The following PDE6A variants were observed in gnomAD, a reference collection of about 807,000 sequenced individuals.
PDE6A encodes rod cGMP-specific 3',5'-cyclic phosphodiesterase subunit alpha.
PDE6A carries 84 observed loss-of-function variants against 106.3 expected under a neutral mutation model. The observed-to-expected ratio is 0.79, with a 90% CI of 0.66 to 0.95. The LOEUF (loss-of-function observed/expected upper bound fraction) is 0.95. PDE6A is among the 40% of genes least tolerant of loss of function. The probability of loss-of-function intolerance (pLI) is 0.00; values close to 1 mark genes in which losing one functional copy is unlikely to be tolerated. For synonymous variants in PDE6A, 394 were observed against 386.6 expected (o/e 1.02, Z -0.23); for missense variants, 1,052 against 1,084.9 (o/e 0.97, Z 0.43).
At chr5:149,895,090 G>A (rs917072077) in intron 13 of PDE6A, 93 bp downstream of exon 13, 1 of 803,946 alleles carries the variant, frequency 1.2e-6, no homozygotes, top group African/African-American at 1.7e-5. Context: ...AATAAAGAAA[G>A]AAGAACAACG....
chr5:149,921,426 G>GT (rs1004938906), intron 5 of PDE6A, among the ~76,000 whole-genome samples: 66 of 148,458 alleles, frequency 4.4e-4, no homozygotes, highest in East Asian at 1.8e-3. Context: ...TATTGTTGCT[G>GT]TTTTTTTTTT....
chr5:149,861,387 G>A (rs1266288515), intron 21 of PDE6A, among the ~76,000 whole-genome samples: 2 of 152,238 alleles, frequency 1.3e-5, no homozygotes, highest in African/African-American at 4.8e-5. Flanking sequence ...CAGGGCTCAC[G>A]CCTGTAATCC....
In PDE6A at chr5:149,863,360, T is replaced by A; in HGVS notation, c.2359-94A>T. On this transcript the variant is annotated intron_variant, in intron 20 of 21. Coordinates refer to ENST00000255266, the MANE Select transcript of PDE6A (RefSeq NM_000440.3). The surrounding 1 kb of genome is among the most constrained non-coding windows in gnomAD (Gnocchi z 4.7). Reference sequence around the variant, plus strand: ...CAGCTGGAAACGTCCAACACTGGAATGAGCTGCTTCGGAGTAGCAGGCCTC... The same window carrying A: ...CAGCTGGAAACGTCCAACACTGGAAAGAGCTGCTTCGGAGTAGCAGGCCTC... 5 of 1,318,040 alleles carry A rather than the reference T, an allele frequency of 3.8e-6. No homozygotes were observed. Among genetic ancestry groups the A allele is most frequent in the Non-Finnish European group, 5.4e-6 (5 of 923,766 alleles). The allele number at this position is 1,318,040 out of a possible 1,614,324, so 81.6% of individuals were successfully genotyped here.
At chr5:149,921,848 G>A (rs72830288) in intron 4 of PDE6A, 139 bp from the exon 5 acceptor site, 66,399 of 730,520 alleles carry the variant, frequency 0.091, 3,323 homozygotes, top group African/African-American at 0.15. Flanking sequence ...ACTTGGAAAG[G>A]CAGTAAGACT....
chr5:149,941,541 T>C (rs1479451110), intron 1 of PDE6A, among the ~76,000 whole-genome samples: 1 of 152,222 alleles, frequency 6.6e-6, no homozygotes, highest in African/African-American at 2.4e-5. Context: ...GATCAGTGTT[T>C]ACACTTCCAG....
intron 6 of PDE6A, among the ~76,000 whole-genome samples, chr5:149,914,604 C>T (rs1753493738): frequency 6.6e-6 from 1 of 151,152 alleles, no homozygotes; most frequent in African/African-American, 2.4e-5. Context: ...AAGTCCTGTT[C>T]CAGTCTTTAA....
chr5:149,921,743 G>A (rs777821991), intron 4 of PDE6A, 34 bp from the exon 5 acceptor site: 9 of 1,542,880 alleles, frequency 5.8e-6, no homozygotes, highest in Non-Finnish European at 8.1e-6. Context: ...TACATGTTTT[G>A]AAAAGAGATC....
At chr5:149,883,603 A>G in intron 16 of PDE6A, 67 bp from the exon 17 acceptor site, 1 of 1,042,726 alleles carries the variant, frequency 9.6e-7, no homozygotes, top group Non-Finnish European at 1.5e-6. Context: ...AGCTGCTAAC[A>G]TTGGCTGATT....
At chr5:149,943,148 G>A (rs377193911) in intron 1 of PDE6A, among the ~76,000 whole-genome samples, 5 of 152,274 alleles carry the variant, frequency 3.3e-5, no homozygotes, top group African/African-American at 1.2e-4. Flanking sequence ...GGTTTCTTGG[G>A]CAGAGGTCCC....
chr5:149,877,026 A>C (rs559762025), intron 17 of PDE6A, among the ~76,000 whole-genome samples: 4 of 152,214 alleles, frequency 2.6e-5, no homozygotes, highest in African/African-American at 9.6e-5. Context: ...AAAATTGTAA[A>C]GACAGATGAT....
chr5:149,918,987 C>G (rs1461113579), intron 5 of PDE6A, among the ~76,000 whole-genome samples: 1 of 152,108 alleles, frequency 6.6e-6, no homozygotes, highest in African/African-American at 2.4e-5. Context: ...TTCTAGAAAG[C>G]AAAGGTGGCT....
At chr5:149,922,520 C>T (rs1302171831) in intron 4 of PDE6A, among the ~76,000 whole-genome samples, 1 of 152,000 alleles carries the variant, frequency 6.6e-6, no homozygotes, top group East Asian at 1.9e-4. Flanking sequence ...CCATATTGGC[C>T]AGGCTAGTCT....
intron 17 of PDE6A, among the ~76,000 whole-genome samples, chr5:149,876,134 A>C (rs1760730132): frequency 6.6e-6 from 1 of 152,052 alleles, no homozygotes; most frequent in South Asian, 2.1e-4. Flanking sequence ...AGTGTTGAAA[A>C]ATTTTCTTTT....
chr5:149,901,167 C>T (rs978649794), intron 8 of PDE6A, among the ~76,000 whole-genome samples: 11 of 152,244 alleles, frequency 7.2e-5, no homozygotes, highest in South Asian at 2.1e-4. Flanking sequence ...CTGCCCGCCT[C>T]GGTCTCTCAA....
At chr5:149,883,642 T>G (rs183838421) in intron 16 of PDE6A, 106 bp from the exon 17 acceptor site, 3 of 812,310 alleles carry the variant, frequency 3.7e-6, no homozygotes, top group Non-Finnish European at 6.3e-6. Context: ...ATCAACAAAA[T>G]TCACAAAACA....
intron 13 of PDE6A, among the ~76,000 whole-genome samples, chr5:149,894,193 C>T (rs1359446939): frequency 6.6e-6 from 1 of 152,160 alleles, no homozygotes; most frequent in Non-Finnish European, 1.5e-5. Context: ...CTTTAGACCT[C>T]CTTTTTGTCC....
intron 5 of PDE6A, among the ~76,000 whole-genome samples, chr5:149,916,379 T>C (rs1753552928): frequency 6.6e-6 from 1 of 152,138 alleles, no homozygotes; most frequent in South Asian, 2.1e-4. Context: ...CCATTTAAAA[T>C]CACAGCCAAC....
At chr5:149,880,712 G>A (rs1760891388) in intron 17 of PDE6A, among the ~76,000 whole-genome samples, 1 of 151,742 alleles carries the variant, frequency 6.6e-6, no homozygotes, top group East Asian at 1.9e-4. Context: ...CTCAAAAAAA[G>A]AAAAGCACAA....
At chr5:149,932,675 G>A in intron 3 of PDE6A, 1 of 1,612,024 alleles carries the variant, frequency 6.2e-7, no homozygotes, top group Non-Finnish European at 8.5e-7. Flanking sequence ...CATCTCAGCA[G>A]CAGTGGGAGA....
Sources: allele counts gnomAD v4.1 joint callset (sites outside exome capture counted in the v4.1 genomes callset), GRCh38; gene constraint gnomAD v4.1.1; non-coding constraint Gnocchi (gnomAD v3.1); transcripts MANE v1.5; gene names NCBI Gene and HGNC (gene_info 2026-07-23, HGNC 2026-07-21).